The following CACNB4 variants were observed in gnomAD, a reference collection of about 807,000 sequenced individuals.
CACNB4 encodes the protein calcium voltage-gated channel auxiliary subunit beta 4.
CACNB4 carries 32 observed loss-of-function variants against 71.2 expected under a neutral mutation model. The ratio of observed to expected loss-of-function variants is 0.45; its 90% CI spans 0.34 to 0.60. CACNB4 has a LOEUF of 0.60. Among genes scored for constraint, CACNB4 ranks in the 20% least tolerant of loss-of-function variants. CACNB4 has a pLI of 0.01. For synonymous variants in CACNB4, 231 were observed against 236.9 expected (o/e 0.97, Z 0.23); for missense variants, 464 against 647.9 (o/e 0.72, Z 3.08).
intron 2 of CACNB4, among the ~76,000 whole-genome samples, chr2:151,946,057 G>A (rs114549473): frequency 2.6e-5 from 4 of 151,960 alleles, no homozygotes; most frequent in Non-Finnish European, 4.4e-5. Flanking sequence ...GGCCAGGTGC[G>A]GTGGCTCACG....
At chr2:151,917,628 G>A (rs1199975594) in intron 2 of CACNB4, among the ~76,000 whole-genome samples, 2 of 152,106 alleles carry the variant, frequency 1.3e-5, no homozygotes, top group Non-Finnish European at 2.9e-5. Flanking sequence ...CCTGAGGTCA[G>A]GAGTTCGAGA....
At chr2:152,023,473 C>T (rs550311853) in intron 2 of CACNB4, among the ~76,000 whole-genome samples, 145 of 152,102 alleles carry the variant, frequency 9.5e-4, no homozygotes, top group African/African-American at 3.3e-3. Flanking sequence ...TCACTCTTGT[C>T]CCCCCGGCTG....
intron 12 of CACNB4, chr2:151,850,861 C>T (rs2099838902): frequency 1.3e-5 from 2 of 152,086 alleles, no homozygotes; most frequent in Non-Finnish European, 2.9e-5. Flanking sequence ...CACATAGGAC[C>T]CATATTATAA....
intron 2 of CACNB4, among the ~76,000 whole-genome samples, chr2:151,962,168 C>T (rs1408891230): frequency 6.6e-6 from 1 of 152,180 alleles, no homozygotes; most frequent in Non-Finnish European, 1.5e-5. Context: ...TGGGATGCTT[C>T]AAAGCTGGCT....
chr2:151,989,308 A>C (rs920823895), intron 2 of CACNB4, among the ~76,000 whole-genome samples: 1 of 152,172 alleles, frequency 6.6e-6, no homozygotes, highest in African/African-American at 2.4e-5. Flanking sequence ...ACATCCAAAG[A>C]GTGCTTCTAC....
At chr2:152,084,906 T>A (rs1377927034) in intron 2 of CACNB4, among the ~76,000 whole-genome samples, 2 of 152,012 alleles carry the variant, frequency 1.3e-5, no homozygotes, top group Non-Finnish European at 2.9e-5. Context: ...ATTACAGGCG[T>A]GATTACGGGC....
rs1686305291 is a variant in CACNB4, at chr2:152,066,126, G to T, written c.147+32204C>A. ...CCCACATCTTACTCCAGCCTCTGCT[G>T]ACGTGGCCACGTACATGCAGGCTCA... On this transcript the variant is annotated intron_variant, in intron 2 of 13. Transcript: ENST00000539935. Among the ~76,000 whole-genome samples the T allele has an allele frequency of 3.9e-5, 6 of 152,242 alleles. No individual in the cohort carries two copies. The South Asian group carries it at 1.2e-3, about 32-fold the overall frequency.
intron 2 of CACNB4, among the ~76,000 whole-genome samples, chr2:151,930,949 A>G (rs956612004): frequency 1.3e-5 from 2 of 152,220 alleles, no homozygotes; most frequent in African/African-American, 4.8e-5. Context: ...TATGGGAATT[A>G]GAATTATGGG....
intron 2 of CACNB4, among the ~76,000 whole-genome samples, chr2:151,984,082 C>T (rs897973622): frequency 2.0e-5 from 3 of 152,162 alleles, no homozygotes; most frequent in African/African-American, 7.2e-5. Flanking sequence ...AAAGTAATAA[C>T]CAGTCGGTCC....
At chr2:151,870,740 T>C (rs2151409392) in intron 7 of CACNB4, 102 bp downstream of exon 7, 1 of 1,217,252 alleles carries the variant, frequency 8.2e-7, no homozygotes, top group Non-Finnish European at 1.2e-6. Context: ...CCGAGGAGGC[T>C]CTTCCCTTAT....
intron 2 of CACNB4, among the ~76,000 whole-genome samples, chr2:151,894,458 T>A (rs2099851502): frequency 6.6e-6 from 1 of 152,152 alleles, no homozygotes; most frequent in Non-Finnish European, 1.5e-5. Flanking sequence ...AGCCCATGTA[T>A]GACAAACCCA....
At chr2:151,964,100 C>T (rs2099870421) in intron 2 of CACNB4, among the ~76,000 whole-genome samples, 1 of 137,450 alleles carries the variant, frequency 7.3e-6, no homozygotes, top group South Asian at 2.3e-4. Flanking sequence ...AGAATGTTAA[C>T]TGTAGCATTT....
intron 2 of CACNB4, chr2:152,048,511 A>G (rs551900480): frequency 6.6e-6 from 1 of 152,348 alleles, no homozygotes; most frequent in South Asian, 2.1e-4. Context: ...GAGAATAAAA[A>G]GTACCTGCAA....
chr2:152,029,504 AAAAAAAAGAAAAGAAAAG>A (rs1029988831), intron 2 of CACNB4, among the ~76,000 whole-genome samples: 3 of 117,174 alleles, frequency 2.6e-5, no homozygotes, highest in African/African-American at 4.0e-5. Flanking sequence ...AAAAAAAAAA[AAAAAAAAGAAAAGAAAAG>A]AAAAGAAAAG....
chr2:152,086,107 GACAA>G (rs541449678), intron 2 of CACNB4, among the ~76,000 whole-genome samples: 639 of 152,218 alleles, frequency 4.2e-3, no homozygotes, highest in Admixed American at 6.9e-3. Flanking sequence ...TCTACTAATG[GACAA>G]ACAGTCATAA....
intron 2 of CACNB4, among the ~76,000 whole-genome samples, chr2:151,938,162 T>G (rs1004376955): frequency 1.3e-5 from 2 of 152,166 alleles, no homozygotes; most frequent in African/African-American, 4.8e-5. Flanking sequence ...ACACACTGCT[T>G]TTGACTTAAA....
At chr2:152,062,228 C>T (rs1309659329) in intron 2 of CACNB4, among the ~76,000 whole-genome samples, 10 of 151,614 alleles carry the variant, frequency 6.6e-5, no homozygotes, top group Non-Finnish European at 1.5e-4. Flanking sequence ...ATTCCTAATG[C>T]ATTACAACAG....
chr2:152,009,151 C>T (rs1359841829), intron 2 of CACNB4, among the ~76,000 whole-genome samples: 1 of 150,788 alleles, frequency 6.6e-6, no homozygotes, highest in Non-Finnish European at 1.5e-5. Flanking sequence ...TGTTTGTGCC[C>T]CTGCACTCTA....
chr2:151,874,892 TTCAGTAGC>T (rs2099845558), intron 5 of CACNB4: 1 of 398,782 alleles, frequency 2.5e-6, no homozygotes, highest in Admixed American at 4.4e-5. Context: ...ACATGCCTAC[TTCAGTAGC>T]TCACTAGAGG....
Sources: allele counts gnomAD v4.1 joint callset (sites outside exome capture counted in the v4.1 genomes callset), GRCh38; gene constraint gnomAD v4.1.1; transcripts MANE v1.5; gene names NCBI Gene and HGNC (gene_info 2026-07-23, HGNC 2026-07-21).